SEPTIN9: variants seen among roughly 807,000 people sequenced by gnomAD.
SEPTIN9 encodes the protein septin 9, also known as septin-9.
SEPTIN9 carries 13 observed loss-of-function variants against 56.6 expected under a neutral mutation model. The ratio of observed to expected loss-of-function variants is 0.23; its 90% CI spans 0.15 to 0.37. The LOEUF is 0.37. SEPTIN9 is among the 10% of genes least tolerant of loss of function. SEPTIN9 has a pLI of 1.00. For synonymous variants in SEPTIN9, 332 were observed against 334.1 expected, an observed-to-expected ratio of 0.99 and a Z score of 0.07; for missense variants, 650 against 823.1, an observed-to-expected ratio of 0.79 and a Z score of 2.57.
rs1175513965 is a variant in SEPTIN9 at position 77,434,956 on chromosome 17, G to A, written c.721+32253G>A. Among the ~76,000 whole-genome samples, 4 of 152,158 alleles carry A rather than the reference G, an allele frequency of 2.6e-5. No homozygotes were observed. The highest frequency in any genetic ancestry group is 7.2e-5 in the African/African-American group (3 of 41,422). ...CTTCCTCTGCCGACATCAGGCTGCC[G>A]GTGCTGGACGGGGCCCTGGCAACCG... On this transcript the variant is annotated intron_variant, in intron 3 of 11. Coordinates refer to ENST00000427177, the MANE Select transcript of SEPTIN9 (RefSeq NM_001113491.2). This position sits in a 1 kb window ranked among gnomAD's most constrained non-coding sequence, Gnocchi z 5.0.
intron 2 of SEPTIN9, among the ~76,000 whole-genome samples, chr17:77,366,795 G>A (rs1348943475): frequency 6.6e-6 from 1 of 152,222 alleles, no homozygotes; most frequent in Non-Finnish European, 1.5e-5. Context: ...CCCAAGTGCC[G>A]GAGCGGGGAG....
intron 2 of SEPTIN9, chr17:77,376,289 C>T: frequency 1.0e-6 from 1 of 985,976 alleles, no homozygotes; most frequent in Non-Finnish European, 1.2e-6. Flanking sequence ...GGGAGTGCAG[C>T]TGGTCCACGG....
intron 3 of SEPTIN9, chr17:77,472,315 T>TAG (rs1336687516): frequency 6.6e-6 from 1 of 152,024 alleles, no homozygotes; most frequent in Non-Finnish European, 1.5e-5. Flanking sequence ...TCCTCCACAA[T>TAG]AGAGGAGAGG....
chr17:77,346,817 G>A (rs2033907866), intron 2 of SEPTIN9, among the ~76,000 whole-genome samples: 1 of 152,158 alleles, frequency 6.6e-6, no homozygotes, highest in East Asian at 1.9e-4. Flanking sequence ...AATCTCTGGT[G>A]CAGTGGTGTT....
At chr17:77,399,005 CAT>C (rs1465381700) in intron 2 of SEPTIN9, among the ~76,000 whole-genome samples, 5 of 152,318 alleles carry the variant, frequency 3.3e-5, no homozygotes, top group South Asian at 2.1e-4. Flanking sequence ...GACCGGCACA[CAT>C]GTGCATTTTG....
chr17:77,282,190 T>C (rs2031058414), intron 1 of SEPTIN9, among the ~76,000 whole-genome samples: 2 of 152,216 alleles, frequency 1.3e-5, no homozygotes, highest in South Asian at 4.1e-4. Context: ...TTTCATTTCA[T>C]AAGAGGCTCC....
chr17:77,364,309 G>A (rs1037739832), intron 2 of SEPTIN9, among the ~76,000 whole-genome samples: 4 of 152,240 alleles, frequency 2.6e-5, no homozygotes, highest in Admixed American at 6.5e-5. Flanking sequence ...TGCAGGGCAC[G>A]GGGTGCATGC....
At position 77,321,255 on chromosome 17, in the gene SEPTIN9, C is replaced by T. The variant is rs188486607; in HGVS notation, c.76+14058C>T. ...CGGGAGGTCGCTAAGAGTGTCAACC[C>T]CTACGTGCCTTGGGCCCTGGTCTGT... is the stretch of plus-strand genomic sequence containing the variant. On this transcript the variant is annotated intron_variant, in intron 2 of 11. Transcript: ENST00000427177. Among the ~76,000 whole-genome samples the T allele has an allele frequency of 7.4e-4, 112 of 152,170 alleles. 1 individual carries two copies. Among genetic ancestry groups the T allele is most frequent in the Admixed American group, 2.2e-3 (34 of 15,288 alleles).
intron 2 of SEPTIN9, among the ~76,000 whole-genome samples, chr17:77,397,455 C>T (rs774721807): frequency 6.6e-6 from 1 of 152,190 alleles, no homozygotes; most frequent in African/African-American, 2.4e-5. Flanking sequence ...CTGCAAAGAC[C>T]CTTTTTCCAA....
At chr17:77,416,587 G>A (rs1325369303) in intron 3 of SEPTIN9, among the ~76,000 whole-genome samples, 4 of 152,176 alleles carry the variant, frequency 2.6e-5, no homozygotes, top group Admixed American at 6.5e-5. Context: ...GTGGGAGGAA[G>A]ACCTTCCCAG....
chr17:77,458,786 T>C (rs1368189260), intron 3 of SEPTIN9, among the ~76,000 whole-genome samples: 1 of 152,114 alleles, frequency 6.6e-6, no homozygotes, highest in Non-Finnish European at 1.5e-5. Context: ...GTGAGATAAG[T>C]ACACACCCAG....
At position 77,486,625 on chromosome 17, in the gene SEPTIN9, TTG is replaced by T. The variant is rs577185173; in HGVS notation, c.914-796_914-795del. Among the ~76,000 whole-genome samples, 8 of 151,908 alleles carry T rather than the reference TTG, an allele frequency of 5.3e-5. 1 individual carries two copies. Among genetic ancestry groups the T allele is most frequent in the African/African-American group, 1.7e-4 (7 of 41,416 alleles). ...ATGTTTGAGGTGAGTTGTGTGTGTG[TTG>T]TGAGTTGTGCATGTGAAGTGTGTGT... On this transcript the variant is annotated intron_variant, in intron 4 of 11. Transcript: ENST00000427177.
At chr17:77,353,840 T>C (rs1021837096) in intron 2 of SEPTIN9, among the ~76,000 whole-genome samples, 1 of 152,206 alleles carries the variant, frequency 6.6e-6, no homozygotes, top group Admixed American at 6.5e-5. Flanking sequence ...GTTCTGGGCA[T>C]GTGTGTGCAG....
chr17:77,459,167 C>T (rs2038348898), intron 3 of SEPTIN9, among the ~76,000 whole-genome samples: 2 of 152,248 alleles, frequency 1.3e-5, no homozygotes, highest in Admixed American at 1.3e-4. Context: ...TTCCTGCTTC[C>T]TGCCCGCCTG....
At position 77,499,017 on chromosome 17, in the gene SEPTIN9, G is replaced by C. The variant is rs1568128390; in HGVS notation, c.*359G>C. The stretch of plus-strand genomic sequence containing the variant: ...TTCTCAGTGCCGGAGGCCTTGGGGT[G>C]GGGGCCAGGCCTCGCACTTGCAGAG... On this transcript the variant is annotated 3_prime_UTR_variant, in exon 12 of 12. Transcript: ENST00000427177. 2 of 539,850 alleles carry C rather than the reference G, an allele frequency of 3.7e-6. No homozygotes were observed. The highest frequency in any genetic ancestry group is 3.6e-6 in the Non-Finnish European group (1 of 278,984). 33.4% of individuals were successfully genotyped at this position (539,850 alleles called of 1,614,324 possible).
At chr17:77,299,980 G>T (rs2031966336) in intron 1 of SEPTIN9, among the ~76,000 whole-genome samples, 1 of 152,240 alleles carries the variant, frequency 6.6e-6, no homozygotes, top group African/African-American at 2.4e-5. Context: ...CCAGTGTGCT[G>T]CCTCCTTTGG....
At chr17:77,483,025 AACCGCAGCC>A (rs1568109275) in intron 4 of SEPTIN9, 1 of 166,694 alleles carries the variant, frequency 6.0e-6, no homozygotes, top group Non-Finnish European at 1.3e-5. Context: ...CAGGGCAGAG[AACCGCAGCC>A]ACCGTTTTGA....
intron 1 of SEPTIN9, among the ~76,000 whole-genome samples, chr17:77,297,168 C>T (rs1052451603): frequency 6.6e-6 from 1 of 152,116 alleles, no homozygotes; most frequent in African/African-American, 2.4e-5. Flanking sequence ...CCAGGAAAGC[C>T]AGTATCGTGG....
chr17:77,497,565 A>T, intron 11 of SEPTIN9, 199 bp downstream of exon 11: 1 of 632,068 alleles, frequency 1.6e-6, no homozygotes, highest in South Asian at 1.8e-5. Context: ...CAGGCAGTGA[A>T]GATCCTTTTC....
Sources: allele counts gnomAD v4.1 joint callset (sites outside exome capture counted in the v4.1 genomes callset), GRCh38; gene constraint gnomAD v4.1.1; non-coding constraint Gnocchi (gnomAD v3.1); transcripts MANE v1.5; gene names NCBI Gene and HGNC (gene_info 2026-07-23, HGNC 2026-07-21).